Variants in IGF2R observed in about 807,000 individuals in gnomAD.
IGF2R encodes the protein cation-independent mannose-6-phosphate receptor.
IGF2R carries 91 observed loss-of-function variants against 270.6 expected under a neutral mutation model. The observed-to-expected ratio is 0.34, with a 90% CI of 0.28 to 0.40. The LOEUF (loss-of-function observed/expected upper bound fraction) is 0.40. Among genes scored for constraint, IGF2R ranks in the 10% least tolerant of loss-of-function variants. IGF2R has a pLI of 1.00. For synonymous variants in IGF2R, 1,316 were observed against 1,258.9 expected (o/e 1.05, Z -0.96); for missense variants, 2,805 against 3,188.3 (o/e 0.88, Z 2.90).
intron 1 of IGF2R, among the ~76,000 whole-genome samples, chr6:159,980,206 A>AGAAG (rs1783765623): frequency 1.1e-5 from 1 of 92,990 alleles, no homozygotes; most frequent in African/African-American, 4.3e-5. Flanking sequence ...AAAGAAAGAA[A>AGAAG]GAAAGAAAGA....
chr6:160,049,334 G>T (rs967610477), intron 18 of IGF2R, among the ~76,000 whole-genome samples: 1 of 152,144 alleles, frequency 6.6e-6, no homozygotes, highest in Non-Finnish European at 1.5e-5. Flanking sequence ...TCACCACGCG[G>T]AACACTTTCT....
chr6:160,049,105 A>G (rs1290829995), intron 18 of IGF2R, among the ~76,000 whole-genome samples: 1 of 152,108 alleles, frequency 6.6e-6, no homozygotes, highest in Non-Finnish European at 1.5e-5. Context: ...CATGTTGGGA[A>G]TGTACTTTTC....
At chr6:160,021,666 C>A (rs1007237145) in intron 4 of IGF2R, among the ~76,000 whole-genome samples, 67 of 142,310 alleles carry the variant, frequency 4.7e-4, no homozygotes, top group East Asian at 8.3e-4. Context: ...TAAAAAAAAA[C>A]CCCACAATGA....
At chr6:159,972,906 T>G (rs995759062) in intron 1 of IGF2R, among the ~76,000 whole-genome samples, 19 of 152,208 alleles carry the variant, frequency 1.2e-4, no homozygotes, top group African/African-American at 4.6e-4. Flanking sequence ...TTGGAGAGAC[T>G]CAGCAAAGCA....
At chr6:160,057,455 G>A (rs1778340163) in intron 20 of IGF2R, among the ~76,000 whole-genome samples, 1 of 152,196 alleles carries the variant, frequency 6.6e-6, no homozygotes, top group Admixed American at 6.5e-5. Context: ...CCAGCACAGG[G>A]TCCTGGCTTT....
intron 36 of IGF2R, 139 bp downstream of exon 36, chr6:160,076,135 G>T: frequency 1.2e-6 from 1 of 804,102 alleles, no homozygotes; most frequent in East Asian, 2.5e-5. Flanking sequence ...CGCTAGTAGT[G>T]TGTCTGAATA....
At chr6:159,972,750 C>T (rs1185890048) in intron 1 of IGF2R, among the ~76,000 whole-genome samples, 2 of 152,232 alleles carry the variant, frequency 1.3e-5, no homozygotes, top group Non-Finnish European at 2.9e-5. Context: ...GGAGACAGCA[C>T]CATTTCAGCA....
chr6:160,111,216 C>T lies in IGF2R; in HGVS notation c.*6132C>T, dbSNP rs1177708313. ...CCCTTGAACAATACAGGTTTGAACT[C>T]TGTGGGTCCACTTACATGCGGTTTT... On this transcript the variant is annotated 3_prime_UTR_variant, in exon 48 of 48. Transcript: ENST00000356956. 3 of 151,694 alleles carry T rather than the reference C, an allele frequency of 2.0e-5. No homozygotes were observed. The East Asian group carries it at 5.8e-4, about 29-fold the overall frequency. 9.4% of individuals were successfully genotyped at this position (151,694 alleles called of 1,614,324 possible).
At position 160,087,865 on chromosome 6, in the gene IGF2R, G is replaced by A. The variant is rs767766738; in HGVS notation, c.6206-168G>A. Among the ~76,000 whole-genome samples the A allele has an allele frequency of 3.3e-5, 5 of 152,084 alleles. No individual in the cohort carries two copies. The East Asian group carries it at 5.8e-4, about 18-fold the overall frequency. Reference sequence around the variant, plus strand: ...TAATTTTTGTATTTTTAGTAGAGACGGGGTTTCACCATGTTGGTCAGGCTG... The same window carrying A: ...TAATTTTTGTATTTTTAGTAGAGACAGGGTTTCACCATGTTGGTCAGGCTG... On this transcript the variant is annotated intron_variant, in intron 41 of 47. Transcript: ENST00000356956.
intron 30 of IGF2R, among the ~76,000 whole-genome samples, chr6:160,069,591 G>T (rs1778669612): frequency 6.6e-6 from 1 of 152,136 alleles, no homozygotes; most frequent in Non-Finnish European, 1.5e-5. Flanking sequence ...TCCTATATGG[G>T]GTTCAGAAAG....
chr6:160,084,070 T>C lies in IGF2R; in HGVS notation c.5954T>C (p.Val1985Ala). 6.2e-7 allele frequency: 1 copy of C among 1,614,080 alleles called. No individual in the cohort carries two copies. The highest frequency in any genetic ancestry group is 8.5e-7 in the Non-Finnish European group (1 of 1,179,988). Reference sequence around the variant, plus strand: ...GTGACATTTGAGTGGAAAACAAAAGTTGTCTGCCCTCCAAAGAAGTTGGAG... The same window carrying C: ...GTGACATTTGAGTGGAAAACAAAAGCTGTCTGCCCTCCAAAGAAGTTGGAG... ...CDVTFEWKTKVVCPPKKLECK... is the reference protein window; with the variant it reads ...CDVTFEWKTKAVCPPKKLECK... Residue 1985 changes from valine (V) to alanine (A), a missense_variant, in exon 40 of 48, where the codon GTT becomes GCT. By Grantham distance (64) the Val-to-Ala change is moderately conservative. Coordinates refer to ENST00000356956, the MANE Select transcript of IGF2R (RefSeq NM_000876.4). This position sits in a 1 kb window ranked among gnomAD's most constrained non-coding sequence, Gnocchi z 4.6.
chr6:160,000,916 T>C (rs1190276608), intron 2 of IGF2R, among the ~76,000 whole-genome samples: 3 of 151,752 alleles, frequency 2.0e-5, no homozygotes, highest in African/African-American at 7.3e-5. Context: ...TTTGTATTTT[T>C]AGTAGAGATG....
chr6:160,090,211 A>G, intron 44 of IGF2R, 108 bp downstream of exon 44: 4 of 739,898 alleles, frequency 5.4e-6, no homozygotes, highest in Non-Finnish European at 8.2e-6. Context: ...CTTTTAAAAC[A>G]AAAACCTTGG....
At chr6:160,074,119 C>T (rs1013875215) in intron 35 of IGF2R, 144 bp downstream of exon 35, 14 of 630,140 alleles carry the variant, frequency 2.2e-5, no homozygotes, top group Admixed American at 8.5e-5. Flanking sequence ...GTTCTGGGTC[C>T]GCTACTGGAA....
rs759165443 is a variant in IGF2R, at chr6:160,061,772, C to T, written c.3426C>T (p.Cys1142=). The change falls in exon 25 of 48, where the codon TGC becomes TGT. Residue 1142 remains cysteine, a synonymous_variant. Transcript: ENST00000356956. ...TTCCAGGCAGCGCAGTGGGGTCTTGCTTAGTGTCAGAAGGCAATAGCTGGA... is the reference window on the plus strand; with the variant it reads ...TTCCAGGCAGCGCAGTGGGGTCTTGTTTAGTGTCAGAAGGCAATAGCTGGA... The part of the protein sequence containing the change: ...PGCQGSAVGS[C]LVSEGNSWNL... 20 of 1,614,012 alleles carry T rather than the reference C, an allele frequency of 1.2e-5. 1 individual carries two copies. The highest frequency in any genetic ancestry group is 1.7e-5 in the Admixed American group (1 of 59,986).
Position 160,084,264 on chromosome 6 carries a change from T to G in IGF2R, c.6068+80T>G. On this transcript the variant is annotated intron_variant, in intron 40 of 47. Transcript: ENST00000356956. This position sits in a 1 kb window ranked among gnomAD's most constrained non-coding sequence, Gnocchi z 4.6. ...GACTGCTTGACGATGGTTGGCTCTT[T>G]TGGGTTCTCAAGATGGGAATACTAT... 1 of 853,294 alleles carries G rather than the reference T, an allele frequency of 1.2e-6. No homozygotes were observed. The highest frequency in any genetic ancestry group is 2.5e-5 in the East Asian group (1 of 39,820). The allele number at this position is 853,294 out of a possible 1,614,324, so 52.9% of individuals were successfully genotyped here.
At chr6:160,083,314 G>A (rs966251983) in intron 39 of IGF2R, among the ~76,000 whole-genome samples, 22 of 152,282 alleles carry the variant, frequency 1.4e-4, no homozygotes, top group African/African-American at 4.8e-4. Context: ...TACTGCAAAC[G>A]TGTCTCGCCT....
intron 1 of IGF2R, among the ~76,000 whole-genome samples, chr6:159,976,318 CAT>C (rs1214170291): frequency 6.6e-6 from 1 of 152,084 alleles, no homozygotes; most frequent in Admixed American, 6.6e-5. Context: ...ATGCTACTCT[CAT>C]ATTTTTGATA....
At chr6:160,052,932 C>T (rs1778231306) in intron 19 of IGF2R, among the ~76,000 whole-genome samples, 1 of 152,136 alleles carries the variant, frequency 6.6e-6, no homozygotes, top group African/African-American at 2.4e-5. Context: ...AAAATTAATT[C>T]AAGATGGATT....
Sources: allele counts gnomAD v4.1 joint callset (sites outside exome capture counted in the v4.1 genomes callset), GRCh38; gene constraint gnomAD v4.1.1; non-coding constraint Gnocchi (gnomAD v3.1); transcripts MANE v1.5; gene names NCBI Gene and HGNC (gene_info 2026-07-23, HGNC 2026-07-21).